Variants in THEM4 observed in about 807,000 individuals in gnomAD.
The protein encoded by THEM4 is thioesterase superfamily member 4.
Under a neutral mutation model 25.0 loss-of-function variants are expected in THEM4, and 22 were observed. The observed-to-expected ratio is 0.88, with a 90% CI of 0.63 to 1.26. The LOEUF (loss-of-function observed/expected upper bound fraction) is 1.26. Ranked by LOEUF, THEM4 falls within the 50% of genes most tolerant of loss-of-function variation. The probability of loss-of-function intolerance (pLI) is 0.00; values close to 1 mark genes in which losing one functional copy is unlikely to be tolerated. For missense variants in THEM4, 286 were observed against 300.3 expected (o/e 0.95, Z 0.35); for synonymous variants, 113 against 105.6 (o/e 1.07, Z -0.43).
intron 3 of THEM4, 118 bp downstream of exon 3, chr1:151,889,096 A>G (rs1293008461): frequency 1.4e-5 from 9 of 656,648 alleles, no homozygotes; most frequent in Non-Finnish European, 7.4e-6. Context: ...TTCCATGTCA[A>G]TAAATATACA....
At chr1:151,904,309 T>C (rs1375946746) in intron 1 of THEM4, among the ~76,000 whole-genome samples, 1 of 152,152 alleles carries the variant, frequency 6.6e-6, no homozygotes, top group East Asian at 1.9e-4. Flanking sequence ...AAGACCAGCA[T>C]GAAAAATGAT....
At chr1:151,881,434 C>T (rs1653810466) in intron 4 of THEM4, among the ~76,000 whole-genome samples, 1 of 152,216 alleles carries the variant, frequency 6.6e-6, no homozygotes, top group Non-Finnish European at 1.5e-5. Context: ...TCCTTTCATC[C>T]TCCCACCTGT....
chr1:151,892,007 C>T (rs1384711967), intron 2 of THEM4, among the ~76,000 whole-genome samples: 7 of 152,002 alleles, frequency 4.6e-5, no homozygotes, highest in Admixed American at 2.6e-4. Flanking sequence ...CCAGGCTTGT[C>T]TCAAACTCCT....
chr1:151,893,664 A>G (rs1295312430), intron 2 of THEM4, among the ~76,000 whole-genome samples: 2 of 152,096 alleles, frequency 1.3e-5, no homozygotes, highest in Non-Finnish European at 2.9e-5. Flanking sequence ...GGAGACTGGG[A>G]GTTCTCTTCT....
In THEM4 at chr1:151,909,395, G is replaced by T. The variant is rs760934298; in HGVS notation, c.64C>A (p.Arg22=). Reference sequence around the variant, plus strand: ...CGCGGCTCGCTTCCCGGCAGGCGCCGGCCTACTGGCGGCAGGCACAGAGCC... The same window carrying T: ...CGCGGCTCGCTTCCCGGCAGGCGCCTGCCTACTGGCGGCAGGCACAGAGCC... The part of the protein sequence containing the change: ...LGALCLPPVG[R]RLPGSEPRPE... Residue 22 remains arginine (R), a synonymous_variant, in exon 1 of 6, where the codon CGG becomes AGG. Transcript: ENST00000368814. The T allele has an allele frequency of 4.8e-4, 723 of 1,504,994 alleles. No individual in the cohort carries two copies. Among genetic ancestry groups the T allele is most frequent in the Non-Finnish European group, 5.7e-4 (645 of 1,133,434 alleles). The allele number at this position is 1,504,994 out of a possible 1,614,324, so 93.2% of individuals were successfully genotyped here. A position where few individuals can be genotyped will look rare whatever the true frequency, so the allele number is the denominator to read the frequency against.
chr1:151,889,080 A>G (rs1654032513), intron 3 of THEM4, 134 bp downstream of exon 3: 1 of 552,014 alleles, frequency 1.8e-6, no homozygotes. Flanking sequence ...TGTATTATAA[A>G]CATCTTTCCA....
chr1:151,890,063 C>T (rs1305370741), intron 2 of THEM4: 9 of 325,880 alleles, frequency 2.8e-5, no homozygotes, highest in East Asian at 7.9e-5. Context: ...CCCACCACCA[C>T]GCCTGACTAA....
chr1:151,897,266 C>T (rs960322414), intron 1 of THEM4, among the ~76,000 whole-genome samples: 2 of 152,238 alleles, frequency 1.3e-5, no homozygotes, highest in African/African-American at 4.8e-5. Flanking sequence ...AATACACACA[C>T]TGCACCATAA....
chr1:151,883,642 T>TG (rs1339362545), intron 4 of THEM4, among the ~76,000 whole-genome samples: 1 of 151,434 alleles, frequency 6.6e-6, no homozygotes, highest in East Asian at 2.0e-4. Flanking sequence ...ATTGTGCATT[T>TG]TTTTTTTTTT....
intron 2 of THEM4, among the ~76,000 whole-genome samples, chr1:151,894,286 G>T (rs1478353347): frequency 6.6e-6 from 1 of 152,144 alleles, no homozygotes; most frequent in African/African-American, 2.4e-5. Flanking sequence ...TATAATGATG[G>T]ATATCTGTCA....
rs1654186661 is a variant in THEM4, at chr1:151,894,996, G to A, written c.286+12C>T. The A allele has an allele frequency of 6.2e-7, 1 of 1,613,302 alleles. No individual in the cohort carries two copies. Among genetic ancestry groups the A allele is most frequent in the Non-Finnish European group, 8.5e-7 (1 of 1,179,326 alleles). On this transcript the variant is annotated intron_variant, in intron 2 of 5. Transcript: ENST00000368814. ...TGCTCAGATATATTAATGGGAAAGT[G>A]GCTGTTTCTACCAAGAAAATGGGTT...
intron 2 of THEM4, among the ~76,000 whole-genome samples, chr1:151,893,466 T>C (rs1448361791): frequency 1.3e-5 from 2 of 149,832 alleles, no homozygotes; most frequent in South Asian, 2.1e-4. Context: ...AGAAATGCAG[T>C]TGTGGCATGT....
At chr1:151,890,631 C>T in intron 2 of THEM4, 1 of 160,174 alleles carries the variant, frequency 6.2e-6, no homozygotes, top group South Asian at 1.7e-4. Context: ...TTAGACTTTG[C>T]ATACCCAACA....
chr1:151,889,179 C>A, intron 3 of THEM4, 35 bp downstream of exon 3: 1 of 1,602,136 alleles, frequency 6.2e-7, no homozygotes, highest in Admixed American at 1.7e-5. Flanking sequence ...AGATAAAAAT[C>A]TTTTAGATCC....
At position 151,870,937 on chromosome 1, in the gene THEM4, G is replaced by A. The variant is rs185135232; in HGVS notation, c.*3951C>T. ...CCTGGGAGTAAGAGCAAAAACTCACGGCCTAATTATGTTTACACTGATAGT... is the reference window on the plus strand; with the variant it reads ...CCTGGGAGTAAGAGCAAAAACTCACAGCCTAATTATGTTTACACTGATAGT... On this transcript the variant is annotated 3_prime_UTR_variant, in exon 6 of 6. Transcript: ENST00000368814. Among the ~76,000 whole-genome samples the A allele has an allele frequency of 1.3e-5, 2 of 152,106 alleles. No homozygotes were observed. Among genetic ancestry groups the A allele is most frequent in the East Asian group, 1.9e-4 (1 of 5,182 alleles).
chr1:151,877,075 A>T lies in THEM4; in HGVS notation c.608T>A (p.Val203Asp). 2 of 1,613,782 alleles carry T rather than the reference A, an allele frequency of 1.2e-6. No individual in the cohort carries two copies. The highest frequency in any genetic ancestry group is 1.3e-5 in the African/African-American group (1 of 75,034). Residue 203 changes from valine (V) to aspartate (D), a missense_variant, in exon 5 of 6, where the codon GTT (valine) becomes GAT (aspartate). Val to Asp is a radical substitution (Grantham distance 152). Transcript: ENST00000368814. The part of the protein sequence containing the change: ...VVMINSQLDK[V>D]EGRKFFVSCN... Reference sequence around the variant, plus strand: ...GGAAACAAAAAATTTCCTTCCTTCAACTTTATCAAGTTGGCTATTTATCAT... The same window carrying T: ...GGAAACAAAAAATTTCCTTCCTTCATCTTTATCAAGTTGGCTATTTATCAT...
At chr1:151,907,055 TC>T (rs1654485920) in intron 1 of THEM4, among the ~76,000 whole-genome samples, 1 of 152,074 alleles carries the variant, frequency 6.6e-6, no homozygotes, top group Non-Finnish European at 1.5e-5. Context: ...ACTCTTTGGG[TC>T]CACACTGCCT....
At position 151,874,701 on chromosome 1, in the gene THEM4, A is replaced by G. The variant is rs1653634147; in HGVS notation, c.*187T>C. 1.5e-6 allele frequency: 1 copy of G among 670,876 alleles called. No individual in the cohort carries two copies. The highest frequency in any genetic ancestry group is 2.7e-6 in the Non-Finnish European group (1 of 374,396). The allele number at this position is 670,876 out of a possible 1,614,324, so 41.6% of individuals were successfully genotyped here. A position where few individuals can be genotyped will look rare whatever the true frequency, so the allele number is the denominator to read the frequency against. ...GAGAGTTGTCGATATGCTCGCAGGA[A>G]GTATTTCTGTGTTAAAAAGTTGAGA... On this transcript the variant is annotated 3_prime_UTR_variant, in exon 6 of 6. Transcript: ENST00000368814.
chr1:151,898,260 G>A (rs1654268786), intron 1 of THEM4, among the ~76,000 whole-genome samples: 1 of 152,110 alleles, frequency 6.6e-6, no homozygotes, highest in Non-Finnish European at 1.5e-5. Context: ...CATGGTGGGA[G>A]TGAGACCGGC....
Sources: gnomAD v4.1 joint callset for allele counts (sites outside exome capture counted in the v4.1 genomes callset) on GRCh38, gnomAD v4.1.1 for gene constraint, MANE v1.5 for transcripts, NCBI Gene and HGNC (gene_info 2026-07-23, HGNC 2026-07-21) for gene names.